Variants in GSG1L observed in about 807,000 individuals in gnomAD.
GSG1L encodes the protein GSG1 like, also known as germ cell-specific gene 1-like protein.
Under a neutral mutation model 42.1 loss-of-function variants are expected in GSG1L, and 24 were observed. That is an observed-to-expected ratio of 0.57 (90% CI 0.41 to 0.80). The LOEUF (loss-of-function observed/expected upper bound fraction) is 0.80, where lower values mean the gene tolerates loss of function less well. Ranked by LOEUF, GSG1L falls within the 30% of genes least tolerant of loss-of-function variation. The probability of loss-of-function intolerance (pLI) is 0.00; values close to 1 mark genes in which losing one functional copy is unlikely to be tolerated. For missense variants in GSG1L, 445 were observed against 472.2 expected (o/e 0.94, Z 0.53); for synonymous variants, 215 against 203.5 (o/e 1.06, Z -0.48).
chr16:27,878,041 A>C (rs1426519073), intron 3 of GSG1L, among the ~76,000 whole-genome samples: 1 of 152,018 alleles, frequency 6.6e-6, no homozygotes, highest in Non-Finnish European at 1.5e-5. Flanking sequence ...GCCAGCGCAT[A>C]GTAGCATCTG....
At chr16:27,904,034 G>A (rs1331124481) in intron 2 of GSG1L, among the ~76,000 whole-genome samples, 2 of 152,116 alleles carry the variant, frequency 1.3e-5, no homozygotes, top group Non-Finnish European at 2.9e-5. Context: ...CTTTGCACTT[G>A]CTGCTCCCTC....
intron 2 of GSG1L, among the ~76,000 whole-genome samples, chr16:27,943,494 G>A (rs1007535958): frequency 2.7e-5 from 4 of 147,522 alleles, no homozygotes; most frequent in Admixed American, 6.8e-5. Flanking sequence ...CAAAAAATTC[G>A]AAAACAAATA....
chr16:27,957,524 T>C (rs2085020462), intron 2 of GSG1L, among the ~76,000 whole-genome samples: 1 of 152,186 alleles, frequency 6.6e-6, no homozygotes, highest in Non-Finnish European at 1.5e-5. Flanking sequence ...ACTCCAGTGC[T>C]GGGCTAGGAC....
chr16:27,944,308 C>T (rs2084838435), intron 2 of GSG1L, among the ~76,000 whole-genome samples: 1 of 152,042 alleles, frequency 6.6e-6, no homozygotes, highest in Non-Finnish European at 1.5e-5. Flanking sequence ...CCATACAATG[C>T]AATATTATTT....
chr16:27,820,835 C>T (rs1018093442), intron 5 of GSG1L, among the ~76,000 whole-genome samples: 5 of 152,132 alleles, frequency 3.3e-5, no homozygotes, highest in Non-Finnish European at 5.9e-5. Context: ...CCCCAGACAC[C>T]GTGGGAGGAG....
intron 6 of GSG1L, among the ~76,000 whole-genome samples, chr16:27,792,234 C>A (rs1362308249): frequency 2.0e-5 from 3 of 152,188 alleles, no homozygotes; most frequent in African/African-American, 7.2e-5. Context: ...GGAACAAGAG[C>A]AGATGTCTCC....
intron 2 of GSG1L, among the ~76,000 whole-genome samples, chr16:27,917,422 G>A (rs1441251895): frequency 6.6e-6 from 1 of 152,098 alleles, no homozygotes; most frequent in Non-Finnish European, 1.5e-5. Context: ...GAATGAGCAG[G>A]ACCCTAAACA....
chr16:27,924,840 C>CT (rs1233113145), intron 2 of GSG1L, among the ~76,000 whole-genome samples: 3 of 152,158 alleles, frequency 2.0e-5, no homozygotes, highest in Non-Finnish European at 4.4e-5. Flanking sequence ...AATTTTGACC[C>CT]TTACAGTCAT....
At chr16:27,979,726 G>GGAAGGAAGGAAGGAAGGAAGGAAA (rs1491436872) in intron 1 of GSG1L, among the ~76,000 whole-genome samples, 33 of 53,596 alleles carry the variant, frequency 6.2e-4, no homozygotes, top group African/African-American at 2.5e-3. Context: ...AAGGAAGGAA[G>GGAAGGAAGGAAGGAAGGAAGGAAA]GAAAGAAAAA....
chr16:27,975,210 G>A (rs1006850487), intron 1 of GSG1L, among the ~76,000 whole-genome samples: 1 of 152,162 alleles, frequency 6.6e-6, no homozygotes, highest in African/African-American at 2.4e-5. Context: ...AGAACAAGAT[G>A]AGCCAGAAAG....
At chr16:27,996,892 C>G (rs2085519860) in intron 1 of GSG1L, among the ~76,000 whole-genome samples, 1 of 152,230 alleles carries the variant, frequency 6.6e-6, no homozygotes, top group Non-Finnish European at 1.5e-5. Context: ...TCCTGAGTAG[C>G]TGGAATTACA....
chr16:27,821,627 G>A (rs1279248358), intron 5 of GSG1L, among the ~76,000 whole-genome samples: 2 of 152,066 alleles, frequency 1.3e-5, no homozygotes, highest in Non-Finnish European at 1.5e-5. Context: ...TGGGCCGGGC[G>A]CGGTGGCTCA....
At chr16:27,932,720 G>A (rs1487006879) in intron 2 of GSG1L, among the ~76,000 whole-genome samples, 2 of 152,116 alleles carry the variant, frequency 1.3e-5, no homozygotes, top group East Asian at 3.9e-4. Context: ...CTTTGGGCCT[G>A]AACATGTGAC....
intron 1 of GSG1L, among the ~76,000 whole-genome samples, chr16:28,028,544 T>C (rs1340347037): frequency 2.0e-5 from 3 of 152,000 alleles, no homozygotes; most frequent in African/African-American, 7.2e-5. Flanking sequence ...TTAGCACTCA[T>C]TGCATGGCCA....
chr16:27,810,277 G>A (rs536645758), intron 5 of GSG1L, among the ~76,000 whole-genome samples: 157 of 152,188 alleles, frequency 1.0e-3, no homozygotes, highest in Middle Eastern at 0.01. Context: ...CCAGGAGTTC[G>A]AGACCAGCCT....
intron 2 of GSG1L, among the ~76,000 whole-genome samples, chr16:27,935,294 C>G (rs2084701640): frequency 6.6e-6 from 1 of 151,520 alleles, no homozygotes; most frequent in African/African-American, 2.4e-5. Flanking sequence ...GCCCGGCCAG[C>G]CTTCCTGAGC....
chr16:28,006,959 A>C (rs1005274466), intron 1 of GSG1L, among the ~76,000 whole-genome samples: 9 of 152,264 alleles, frequency 5.9e-5, no homozygotes, highest in Admixed American at 5.9e-4. Flanking sequence ...AAAAAAAGCC[A>C]GGGGTTATCT....
chr16:27,884,747 G>T lies in GSG1L; in HGVS notation c.398-109C>A, dbSNP rs952745455. 9 of 1,132,040 alleles carry T rather than the reference G, an allele frequency of 8.0e-6. No homozygotes were observed. Among genetic ancestry groups the T allele is most frequent in the Non-Finnish European group, 9.8e-6 (8 of 814,028 alleles). 70.1% of individuals were successfully genotyped at this position (1,132,040 alleles called of 1,614,324 possible). A position where few individuals can be genotyped will look rare whatever the true frequency, so the allele number is the denominator to read the frequency against. On this transcript the variant is annotated intron_variant, in intron 2 of 6. Coordinates refer to ENST00000447459, the MANE Select transcript of GSG1L (RefSeq NM_001109763.2). This position sits in a 1 kb window ranked among gnomAD's most constrained non-coding sequence, Gnocchi z 4.4. ...GAGGGTAGCAAGTCATTCTAGAATAGAACCTGGTTCTGGGGGAGGTCCTGA... is the reference window on the plus strand; with the variant it reads ...GAGGGTAGCAAGTCATTCTAGAATATAACCTGGTTCTGGGGGAGGTCCTGA...
At chr16:27,984,219 CT>C (rs1197324173) in intron 1 of GSG1L, among the ~76,000 whole-genome samples, 1 of 152,196 alleles carries the variant, frequency 6.6e-6, no homozygotes, top group Non-Finnish European at 1.5e-5. Flanking sequence ...ATTTGTCAGC[CT>C]CTTTCTTTGG....
Sources: gnomAD v4.1 joint callset for allele counts (sites outside exome capture counted in the v4.1 genomes callset) on GRCh38, gnomAD v4.1.1 for gene constraint, Gnocchi (gnomAD v3.1) non-coding constraint, MANE v1.5 for transcripts, NCBI Gene and HGNC (gene_info 2026-07-23, HGNC 2026-07-21) for gene names.